The following TCN2 variants were observed in gnomAD, a reference collection of about 807,000 sequenced individuals.
The protein encoded by TCN2 is transcobalamin-2.
TCN2 carries 34 observed loss-of-function variants against 48.6 expected under a neutral mutation model. The observed-to-expected ratio is 0.70, with a 90% confidence interval of 0.53 to 0.93. The LOEUF (loss-of-function observed/expected upper bound fraction) is 0.93, where lower values mean the gene tolerates loss of function less well. Ranked by LOEUF, TCN2 falls within the 40% of genes least tolerant of loss-of-function variation. The pLI is 0.00. For missense variants in TCN2, 652 were observed against 526.1 expected (o/e 1.24, Z -2.34); for synonymous variants, 283 against 212.5 (o/e 1.33, Z -2.89).
At chr22:30,623,313 TAGA>T (rs1043031986) in intron 8 of TCN2, 1 of 517,550 alleles carries the variant, frequency 1.9e-6, no homozygotes, top group African/African-American at 2.0e-5. Context: ...AAAAAAAAAC[TAGA>T]AGAAAATTAA....
rs554598737 is a variant in TCN2, at chr22:30,616,481, A to G, written c.940+694A>G. Among the ~76,000 whole-genome samples the G allele has an allele frequency of 3.8e-3, 470 of 123,298 alleles. 3 individuals are homozygous for G. The highest frequency in any genetic ancestry group is 0.015 in the African/African-American group (442 of 29,528). The allele number at this position is 123,298 out of a possible 152,430, so 80.9% of individuals were successfully genotyped here. A position where few individuals can be genotyped will look rare whatever the true frequency, so the allele number is the denominator to read the frequency against. ...CCAGTCTGGGTGACAGAGTAAGACT[A>G]TGTCTCAAAAAAAAAAAAAAAAAAT... On this transcript the variant is annotated intron_variant, in intron 6 of 8. Coordinates refer to ENST00000215838, the MANE Select transcript of TCN2 (RefSeq NM_000355.4).
intron 7 of TCN2, among the ~76,000 whole-genome samples, chr22:30,621,767 A>T (rs2087703471): frequency 6.6e-6 from 1 of 152,176 alleles, no homozygotes; most frequent in Non-Finnish European, 1.5e-5. Context: ...TACAAGCATG[A>T]GCCACAGTGC....
intron 8 of TCN2, among the ~76,000 whole-genome samples, chr22:30,625,158 C>T (rs1002145439): frequency 3.3e-5 from 5 of 152,150 alleles, no homozygotes; most frequent in African/African-American, 1.2e-4. Context: ...GCGGAGGTTG[C>T]CGTGAGCTGA....
chr22:30,611,243 A>G (rs2087536132), intron 2 of TCN2, 180 bp downstream of exon 2: 5 of 734,988 alleles, frequency 6.8e-6, no homozygotes, highest in Non-Finnish European at 1.2e-5. Context: ...TAGATCAGAG[A>G]TGCTAATGCA....
In TCN2 at chr22:30,612,862, C is replaced by A. The variant is rs746958412; in HGVS notation, c.258-11C>A. The A allele has an allele frequency of 2.5e-5, 41 of 1,612,990 alleles. No individual in the cohort carries two copies. The Admixed American group carries it at 6.8e-4, about 27-fold the overall frequency. On this transcript the variant is annotated splice_polypyrimidine_tract_variant and intron_variant, in intron 2 of 8. Coordinates refer to ENST00000215838, the MANE Select transcript of TCN2 (RefSeq NM_000355.4). ...AGTTTCTCACAAAGGCATTAACTGG[C>A]CTTGTCCTAGGTCTGCCTTCAGCGA...
chr22:30,617,945 T>C (rs2087639095), intron 7 of TCN2, among the ~76,000 whole-genome samples: 1 of 152,152 alleles, frequency 6.6e-6, no homozygotes, highest in Non-Finnish European at 1.5e-5. Context: ...TTTGTTTGTT[T>C]GTTTGTTTTT....
intron 8 of TCN2, among the ~76,000 whole-genome samples, chr22:30,624,979 G>A (rs1265896016): frequency 6.6e-6 from 1 of 152,192 alleles, no homozygotes; most frequent in Admixed American, 6.5e-5. Flanking sequence ...CACTTTGGGA[G>A]GCCAAGGCAG....
chr22:30,624,993 G>T (rs2145561569), intron 8 of TCN2, among the ~76,000 whole-genome samples: 1 of 152,278 alleles, frequency 6.6e-6, no homozygotes, highest in Middle Eastern at 3.4e-3. Flanking sequence ...AAGGCAGGTG[G>T]ATCACCTGAG....
At chr22:30,612,786 C>A in intron 2 of TCN2, 87 bp from the exon 3 acceptor site, 3 of 1,554,690 alleles carry the variant, frequency 1.9e-6, no homozygotes, top group South Asian at 2.3e-5. Context: ...GATTTTTTCC[C>A]GCTTTGTGAT....
At chr22:30,625,366 G>A (rs77517564) in intron 8 of TCN2, among the ~76,000 whole-genome samples, 2,683 of 151,522 alleles carry the variant, frequency 0.018, 44 homozygotes, top group Non-Finnish European at 0.025. Flanking sequence ...ATGGTGGAAG[G>A]AACATGGCAA....
At chr22:30,612,318 G>T (rs1270506178) in intron 2 of TCN2, among the ~76,000 whole-genome samples, 3 of 152,142 alleles carry the variant, frequency 2.0e-5, no homozygotes, top group African/African-American at 7.2e-5. Flanking sequence ...GGAGGCCAAG[G>T]TAGGTAGATC....
In TCN2 at chr22:30,615,380, C is replaced by T; in HGVS notation, c.660C>T (p.Thr220=). The change falls in exon 5 of 9, where the codon ACC becomes ACT. Residue 220 remains threonine (T), a synonymous_variant. Transcript: ENST00000215838. The part of the protein sequence containing the change: ...NFNPGRRQRI[T]MAIRTVREEI... ...ACCCTGGTCGGAGACAACGGATCAC[C>T]ATGGCCATCAGAACAGTGCGAGAGG... is the stretch of plus-strand genomic sequence containing the variant. 1 of 1,614,206 alleles carries T rather than the reference C, an allele frequency of 6.2e-7. No homozygotes were observed. Among genetic ancestry groups the T allele is most frequent in the East Asian group, 2.2e-5 (1 of 44,874 alleles).
At chr22:30,610,805 C>T (rs2087526304) in intron 1 of TCN2, 66 bp from the exon 2 acceptor site, 10 of 1,576,214 alleles carry the variant, frequency 6.3e-6, no homozygotes, top group South Asian at 3.3e-5. Context: ...GCCCTGGTAA[C>T]GTCAAAGCAC....
intron 8 of TCN2, among the ~76,000 whole-genome samples, chr22:30,623,975 T>TATGTATACATATATACACACACAC (rs1569047035): frequency 6.4e-5 from 1 of 15,606 alleles, no homozygotes. Flanking sequence ...CACACACATA[T>TATGTATACATATATACACACACAC]ATATGTATAC....
Position 30,614,512 on chromosome 22 carries a change from C to T in TCN2, c.580+11C>T. ...GCCACCATTCTGTGGGTGAGTAGGT[C>T]AGACCGTGCCAAGGCCAGGCTGGCA... On this transcript the variant is annotated intron_variant, in intron 4 of 8. Transcript: ENST00000215838. The T allele has an allele frequency of 1.2e-6, 2 of 1,614,008 alleles. No individual in the cohort carries two copies. The highest frequency in any genetic ancestry group is 1.7e-6 in the Non-Finnish European group (2 of 1,180,002).
At chr22:30,626,168 C>T (rs543767276) in intron 8 of TCN2, among the ~76,000 whole-genome samples, 1 of 152,292 alleles carries the variant, frequency 6.6e-6, no homozygotes, top group South Asian at 2.1e-4. Flanking sequence ...GGTTCTCTCT[C>T]CAGACTGCAC....
intron 7 of TCN2, among the ~76,000 whole-genome samples, chr22:30,621,772 C>T (rs2087703582): frequency 6.6e-6 from 1 of 152,230 alleles, no homozygotes; most frequent in African/African-American, 2.4e-5. Context: ...GCATGAGCCA[C>T]AGTGCCTGGC....
At position 30,623,845 on chromosome 22, in the gene TCN2, TAC is replaced by T. The variant is rs1491229995; in HGVS notation, c.1222+764_1222+765del. On this transcript the variant is annotated intron_variant, in intron 8 of 8. Coordinates refer to ENST00000215838, the MANE Select transcript of TCN2 (RefSeq NM_000355.4). Reference sequence around the variant, plus strand: ...ACATACACACACATATACACACACATACATACACATACATACACACATATATA... The same window carrying T: ...ACATACACACACATATACACACACATATACACATACATACACACATATATA... Among the ~76,000 whole-genome samples, 67 of 71,808 alleles carry T rather than the reference TAC, an allele frequency of 9.3e-4. 2 individuals carry two copies. Among genetic ancestry groups the T allele is most frequent in the Middle Eastern group, 7.0e-3 (1 of 142 alleles). The allele number at this position is 71,808 out of a possible 152,430, so 47.1% of individuals were successfully genotyped here. A position where few individuals can be genotyped will look rare whatever the true frequency, so the allele number is the denominator to read the frequency against.
chr22:30,623,919 T>TATATACAC lies in TCN2; in HGVS notation c.1222+841_1222+842insCACATATA, dbSNP rs2087754395. Among the ~76,000 whole-genome samples, 6 of 11,930 alleles carry TATATACAC rather than the reference T, an allele frequency of 5.0e-4. 3 individuals are homozygous for TATATACAC. The highest frequency in any genetic ancestry group is 9.4e-4 in the Non-Finnish European group (6 of 6,400). The allele number at this position is 11,930 out of a possible 152,430, so 7.8% of individuals were successfully genotyped here. The stretch of plus-strand genomic sequence containing the variant: ...ATATGTATACATATATATACACACA[T>TATATACAC]ATATATGTATACATATATACACACA... On this transcript the variant is annotated intron_variant, in intron 8 of 8. Transcript: ENST00000215838.
Sources: allele counts gnomAD v4.1 joint callset (sites outside exome capture counted in the v4.1 genomes callset), GRCh38; gene constraint gnomAD v4.1.1; transcripts MANE v1.5; gene names NCBI Gene and HGNC (gene_info 2026-07-23, HGNC 2026-07-21).